PDZD8: variants seen among roughly 807,000 people sequenced by gnomAD.
PDZD8 encodes PDZ domain containing 8, also known as PDZ domain-containing protein 8.
Under a neutral mutation model 85.8 loss-of-function variants are expected in PDZD8, and 14 were observed. The ratio of observed to expected loss-of-function variants is 0.16; its 90% CI spans 0.11 to 0.26. The LOEUF is 0.26. Among genes scored for constraint, PDZD8 ranks in the 10% least tolerant of loss-of-function variants. PDZD8 has a pLI of 1.00. For missense variants in PDZD8, 1,197 were observed against 1,424.3 expected (o/e 0.84, Z 2.57); for synonymous variants, 592 against 568.6 (o/e 1.04, Z -0.59).
chr10:117,367,409 A>AAAACAAAC (rs147491441), intron 1 of PDZD8, among the ~76,000 whole-genome samples: 26,722 of 151,238 alleles, frequency 0.18, 2,589 homozygotes, highest in East Asian at 0.4. Context: ...ACTCCGTCTC[A>AAAACAAAC]AAACAAACAA....
chr10:117,311,128 CTA>C, intron 3 of PDZD8, among the ~76,000 whole-genome samples: 1 of 152,244 alleles, frequency 6.6e-6, no homozygotes, highest in South Asian at 2.1e-4. Flanking sequence ...TTACATTAAA[CTA>C]TACACATAGA....
intron 3 of PDZD8, among the ~76,000 whole-genome samples, chr10:117,308,951 G>A (rs1843989439): frequency 1.3e-5 from 2 of 152,108 alleles, no homozygotes; most frequent in Admixed American, 1.3e-4. Flanking sequence ...TGGACAGGGA[G>A]TTGAATGCTA....
chr10:117,343,989 A>G (rs939435231), intron 1 of PDZD8, among the ~76,000 whole-genome samples: 3 of 152,190 alleles, frequency 2.0e-5, no homozygotes, highest in Admixed American at 2.0e-4. Context: ...CTATTCCATC[A>G]TATCATCTTT....
chr10:117,338,536 C>T (rs912544963), intron 2 of PDZD8, among the ~76,000 whole-genome samples: 1 of 152,158 alleles, frequency 6.6e-6, no homozygotes, highest in African/African-American at 2.4e-5. Context: ...AATAAAACAA[C>T]ATAAACAAGT....
intron 1 of PDZD8, among the ~76,000 whole-genome samples, chr10:117,354,484 C>T (rs143789202): frequency 1.8e-4 from 27 of 152,268 alleles, no homozygotes; most frequent in African/African-American, 5.8e-4. Context: ...TTTCTCCTAC[C>T]CACAATATGC....
rs1845282117 is a variant in PDZD8 at position 117,375,199 on chromosome 10, G to A, written c.29C>T (p.Ser10Leu). MGLLLMILA[S>L]AVLGSFLTLL... ...CGTGAGGAAGGAACCCAGCACGGCC[G>A]ACGCCAGGATCATGAGCAGCAGCCC... The change falls in exon 1 of 5, where the codon TCG (serine) becomes TTG (leucine). Residue 10 changes from serine to leucine, a missense_variant. Transcript: ENST00000334464. 3 of 1,553,868 alleles carry A rather than the reference G, an allele frequency of 1.9e-6. No homozygotes were observed. The African/African-American group carries it at 4.1e-5, about 21-fold the overall frequency.
chr10:117,335,695 A>G (rs534743088), intron 2 of PDZD8, among the ~76,000 whole-genome samples: 67 of 152,294 alleles, frequency 4.4e-4, no homozygotes, highest in African/African-American at 1.5e-3. Context: ...AATCACACCA[A>G]AGAGGAAAAA....
chr10:117,285,309 T>A lies in PDZD8; in HGVS notation c.1424A>T (p.Gln475Leu), dbSNP rs777898714. 1.2e-6 allele frequency: 2 copies of A among 1,614,162 alleles called. No homozygotes were observed. Among genetic ancestry groups the A allele is most frequent in the Non-Finnish European group, 1.7e-6 (2 of 1,180,030 alleles). Residue 475 changes from glutamine to leucine, a missense_variant, in exon 5 of 5, where the codon CAA becomes CTA. Physicochemically the swap from Gln to Leu is moderately radical, Grantham distance 113 (BLOSUM62 -2). Around this residue, in one of 4 missense-constraint regions of PDZD8, gnomAD observed 263 missense variants for 261.9 expected, o/e 1.00. Coordinates refer to ENST00000334464, the MANE Select transcript of PDZD8 (RefSeq NM_173791.5). The stretch of plus-strand genomic sequence containing the variant: ...GGCAGCTTCCTCTTCATAACCCGAT[T>A]GGCATGAGCTTGACAAAAAGTTTTC... ...LEENFLSSSC[Q>L]SGYEEEAAGL... is the part of the protein sequence containing the mutation.
At chr10:117,368,463 G>A (rs1845127959) in intron 1 of PDZD8, among the ~76,000 whole-genome samples, 1 of 152,092 alleles carries the variant, frequency 6.6e-6, no homozygotes, top group South Asian at 2.1e-4. Flanking sequence ...AATTTTAGTA[G>A]CTATTTTAAA....
intron 3 of PDZD8, among the ~76,000 whole-genome samples, chr10:117,291,305 CG>C (rs1844759147): frequency 6.6e-6 from 1 of 151,648 alleles, no homozygotes; most frequent in Non-Finnish European, 1.5e-5. Context: ...CCGAGGTGGG[CG>C]GATCAGGAGG....
intron 2 of PDZD8, among the ~76,000 whole-genome samples, chr10:117,332,770 G>A (rs1307906182): frequency 6.6e-6 from 1 of 150,760 alleles, no homozygotes; most frequent in Non-Finnish European, 1.5e-5. Context: ...GCCTCCCAAA[G>A]TGCTGGGATT....
chr10:117,340,205 C>A (rs1402313606), intron 2 of PDZD8, among the ~76,000 whole-genome samples: 1 of 152,090 alleles, frequency 6.6e-6, no homozygotes, highest in African/African-American at 2.4e-5. Context: ...TGAGTGTTTC[C>A]AATTATCACA....
chr10:117,300,972 G>A (rs1006862886), intron 3 of PDZD8, among the ~76,000 whole-genome samples: 15 of 152,242 alleles, frequency 9.9e-5, no homozygotes, highest in African/African-American at 3.6e-4. Context: ...AATGGACTAA[G>A]GCAGCAACTA....
intron 3 of PDZD8, among the ~76,000 whole-genome samples, chr10:117,310,474 A>T (rs920196950): frequency 6.6e-6 from 1 of 152,198 alleles, no homozygotes; most frequent in African/African-American, 2.4e-5. Flanking sequence ...TGTATATTTT[A>T]ACATAACTTC....
rs1254683344 is a variant in PDZD8 at position 117,342,700 on chromosome 10, ACTC to A, written c.873-1601_873-1599del. Among the ~76,000 whole-genome samples the A allele has an allele frequency of 3.2e-4, 48 of 151,188 alleles. 2 individuals are homozygous for A. In the Middle Eastern group the frequency reaches 0.024, roughly 76 times the overall value. On this transcript the variant is annotated intron_variant, in intron 1 of 4. Coordinates refer to ENST00000334464, the MANE Select transcript of PDZD8 (RefSeq NM_173791.5). ...GCCACGCTGGCCAGATCAGTCTTGA[ACTC>A]CTGACCTCAAGTGATCTGCCTGCCT... is the stretch of plus-strand genomic sequence containing the variant.
intron 4 of PDZD8, among the ~76,000 whole-genome samples, chr10:117,289,467 T>C (rs972698467): frequency 1.3e-5 from 2 of 152,224 alleles, no homozygotes; most frequent in African/African-American, 4.8e-5. Flanking sequence ...CTAGAATAGA[T>C]GGGACAGGTA....
At chr10:117,366,099 C>T (rs967918708) in intron 1 of PDZD8, among the ~76,000 whole-genome samples, 5 of 152,050 alleles carry the variant, frequency 3.3e-5, no homozygotes, top group African/African-American at 1.2e-4. Context: ...GGATTACCCC[C>T]TCCTCCAGCA....
chr10:117,287,790 C>T (rs998513317), intron 4 of PDZD8, among the ~76,000 whole-genome samples: 2 of 152,182 alleles, frequency 1.3e-5, no homozygotes, highest in South Asian at 4.1e-4. Flanking sequence ...AAGCATTTGC[C>T]CCTTTAGCCT....
At chr10:117,353,282 T>G (rs1205606864) in intron 1 of PDZD8, among the ~76,000 whole-genome samples, 1 of 152,162 alleles carries the variant, frequency 6.6e-6, no homozygotes, top group Non-Finnish European at 1.5e-5. Flanking sequence ...TAATACTGAC[T>G]TGGAGTCCTA....
Sources: allele counts gnomAD v4.1 joint callset (sites outside exome capture counted in the v4.1 genomes callset), GRCh38; gene constraint gnomAD v4.1.1; regional missense constraint gnomAD v4.1.1; transcripts MANE v1.5; gene names NCBI Gene and HGNC (gene_info 2026-07-23, HGNC 2026-07-21).